Variants in ANKS1B observed in about 807,000 individuals in gnomAD.
ANKS1B encodes ankyrin repeat and sterile alpha motif domain containing 1B, also known as ankyrin repeat and sterile alpha motif domain-containing protein 1B.
ANKS1B carries 36 observed loss-of-function variants against 148.3 expected under a neutral mutation model. The observed-to-expected ratio is 0.24, with a 90% CI of 0.19 to 0.32. ANKS1B has a LOEUF of 0.32. ANKS1B is among the 10% of genes least tolerant of loss of function. The pLI, the probability that ANKS1B is intolerant of heterozygous loss-of-function variation, is 1.00. For missense variants in ANKS1B, 1,157 were observed against 1,542.6 expected, an observed-to-expected ratio of 0.75 and a Z score of 4.19; for synonymous variants, 542 against 560.8, an observed-to-expected ratio of 0.97 and a Z score of 0.47.
chr12:99,569,263 C>T (rs922924020), intron 9 of ANKS1B, among the ~76,000 whole-genome samples: 1 of 152,174 alleles, frequency 6.6e-6, no homozygotes. Context: ...ATTACTGGTG[C>T]TCTAACACAG....
chr12:99,616,761 CA>C (rs1198950813), intron 9 of ANKS1B, among the ~76,000 whole-genome samples: 7 of 152,104 alleles, frequency 4.6e-5, no homozygotes, highest in African/African-American at 1.7e-4. Context: ...ACACCAGAAC[CA>C]ATGGCAACAA....
intron 17 of ANKS1B, among the ~76,000 whole-genome samples, chr12:98,948,284 T>C (rs892296855): frequency 5.9e-5 from 9 of 152,212 alleles, no homozygotes; most frequent in Admixed American, 2.6e-4. Context: ...GGCTATTTTC[T>C]ATGATTATAA....
intron 1 of ANKS1B, among the ~76,000 whole-genome samples, chr12:99,900,586 A>G (rs1033298035): frequency 2.6e-5 from 4 of 152,098 alleles, no homozygotes; most frequent in African/African-American, 9.6e-5. Flanking sequence ...ATTTATTCAA[A>G]GAGCTATAAT....
At chr12:99,789,031 G>A (rs957435613) in intron 4 of ANKS1B, among the ~76,000 whole-genome samples, 3 of 152,126 alleles carry the variant, frequency 2.0e-5, no homozygotes, top group African/African-American at 4.8e-5. Flanking sequence ...CCCAGGGTCT[G>A]GGGGAACTCA....
intron 11 of ANKS1B, among the ~76,000 whole-genome samples, chr12:99,435,722 T>C (rs977016542): frequency 6.6e-6 from 1 of 152,018 alleles, no homozygotes; most frequent in South Asian, 2.1e-4. Flanking sequence ...TGGAACTAAA[T>C]TCCTTTTAAA....
chr12:99,581,525 CATAAA>C (rs1483269366), intron 9 of ANKS1B, among the ~76,000 whole-genome samples: 4 of 152,110 alleles, frequency 2.6e-5, no homozygotes, highest in Non-Finnish European at 4.4e-5. Flanking sequence ...AAGCACAAAT[CATAAA>C]ATAAAAGACT....
At chr12:99,206,418 C>A (rs942568332) in intron 14 of ANKS1B, among the ~76,000 whole-genome samples, 2 of 151,950 alleles carry the variant, frequency 1.3e-5, no homozygotes, top group African/African-American at 4.8e-5. Context: ...GTGCATATAT[C>A]AATGAGGGTT....
intron 8 of ANKS1B, among the ~76,000 whole-genome samples, chr12:99,746,271 G>A (rs1249290861): frequency 6.6e-6 from 1 of 152,116 alleles, no homozygotes; most frequent in East Asian, 1.9e-4. Flanking sequence ...ATACAATTAA[G>A]GAAATAATTC....
chr12:99,439,951 G>T (rs1003671820), intron 11 of ANKS1B, among the ~76,000 whole-genome samples: 17 of 151,658 alleles, frequency 1.1e-4, no homozygotes, highest in Admixed American at 1.1e-3. Flanking sequence ...TAATCCAATG[G>T]TAAACCACTT....
At chr12:98,905,264 ACTATGAAGCTGGAC>A (rs1238031742) in intron 17 of ANKS1B, among the ~76,000 whole-genome samples, 1 of 152,212 alleles carries the variant, frequency 6.6e-6, no homozygotes, top group African/African-American at 2.4e-5. Flanking sequence ...TGGGCAAGCT[ACTATGAAGCTGGAC>A]TTTGTCAGAA....
At chr12:99,227,908 A>T (rs2086198346) in intron 14 of ANKS1B, among the ~76,000 whole-genome samples, 1 of 151,866 alleles carries the variant, frequency 6.6e-6, no homozygotes, top group African/African-American at 2.4e-5. Context: ...TGTATTTGTT[A>T]TATTAATATA....
At chr12:98,767,582 A>G (rs1334348692) in intron 25 of ANKS1B, among the ~76,000 whole-genome samples, 3 of 152,264 alleles carry the variant, frequency 2.0e-5, no homozygotes. Flanking sequence ...TTCTTTTCAG[A>G]GGAGTGAGAA....
At chr12:99,525,839 ATAC>A (rs1393860047) in intron 9 of ANKS1B, among the ~76,000 whole-genome samples, 1 of 152,136 alleles carries the variant, frequency 6.6e-6, no homozygotes, top group African/African-American at 2.4e-5. Context: ...ATTTGAATAT[ATAC>A]TACTATTAAA....
chr12:98,885,042 A>C (rs1353805274), intron 17 of ANKS1B, among the ~76,000 whole-genome samples: 2 of 152,110 alleles, frequency 1.3e-5, no homozygotes, highest in Admixed American at 1.3e-4. Flanking sequence ...CAAATTTAGA[A>C]GTCATTCATA....
chr12:98,762,899 G>A (rs190116672), intron 25 of ANKS1B, among the ~76,000 whole-genome samples: 1 of 152,350 alleles, frequency 6.6e-6, no homozygotes, highest in East Asian at 1.9e-4. Context: ...AGAAATGTTT[G>A]TTGGCTAAAC....
intron 17 of ANKS1B, among the ~76,000 whole-genome samples, chr12:98,943,067 T>A (rs142532242): frequency 6.6e-6 from 1 of 152,216 alleles, no homozygotes; most frequent in Non-Finnish European, 1.5e-5. Context: ...GCAAATACAA[T>A]TCCTGTTTCC....
chr12:99,854,338 T>C (rs1281208862), intron 1 of ANKS1B, among the ~76,000 whole-genome samples: 2 of 152,008 alleles, frequency 1.3e-5, no homozygotes, highest in Admixed American at 1.3e-4. Flanking sequence ...ATTAACCCAA[T>C]CCAACAAAGA....
intron 17 of ANKS1B, among the ~76,000 whole-genome samples, chr12:98,953,737 C>G (rs2099857865): frequency 6.6e-6 from 1 of 151,978 alleles, no homozygotes; most frequent in Non-Finnish European, 1.5e-5. Flanking sequence ...TACAAAACCT[C>G]CCACAAGCTG....
intron 12 of ANKS1B, among the ~76,000 whole-genome samples, chr12:99,272,808 T>C (rs2077193267): frequency 6.6e-6 from 1 of 152,226 alleles, no homozygotes; most frequent in South Asian, 2.1e-4. Flanking sequence ...AAAAGCATCA[T>C]TTGAAGATAT....
Sources: gnomAD v4.1 joint callset for allele counts (sites outside exome capture counted in the v4.1 genomes callset) on GRCh38, gnomAD v4.1.1 for gene constraint, MANE v1.5 for transcripts, NCBI Gene and HGNC (gene_info 2026-07-23, HGNC 2026-07-21) for gene names.